Variants in RPS6KA2 observed in about 807,000 individuals in gnomAD.
RPS6KA2 encodes the protein ribosomal protein S6 kinase A2.
A neutral mutation model predicts 91.8 loss-of-function variants in RPS6KA2; 42 were observed. The observed-to-expected ratio is 0.46, with a 90% CI of 0.36 to 0.59. RPS6KA2 has a LOEUF of 0.59. RPS6KA2 is among the 20% of genes least tolerant of loss of function. The probability of loss-of-function intolerance (pLI) is 0.00; values close to 1 mark genes in which losing one functional copy is unlikely to be tolerated. For missense variants in RPS6KA2, 798 were observed against 978.5 expected (o/e 0.82, Z 2.46); for synonymous variants, 414 against 393.6 (o/e 1.05, Z -0.61).
At chr6:166,693,044 A>G (rs916819770) in intron 2 of RPS6KA2, among the ~76,000 whole-genome samples, 2 of 152,206 alleles carry the variant, frequency 1.3e-5, no homozygotes, top group African/African-American at 2.4e-5. Context: ...GGATATGACA[A>G]TGTCACTTTT....
chr6:166,568,007 T>G (rs1015280589), intron 1 of RPS6KA2, among the ~76,000 whole-genome samples: 1 of 152,132 alleles, frequency 6.6e-6, no homozygotes, highest in African/African-American at 2.4e-5. Flanking sequence ...CTGGGAAACA[T>G]CCTGTCTCAG....
intron 1 of RPS6KA2, among the ~76,000 whole-genome samples, chr6:166,573,234 G>T (rs1393160031): frequency 2.0e-5 from 3 of 152,214 alleles, no homozygotes; most frequent in Admixed American, 6.5e-5. Context: ...CACGAGAAGG[G>T]CACTCCATCA....
At chr6:166,604,429 C>G (rs1785865674) in intron 1 of RPS6KA2, among the ~76,000 whole-genome samples, 1 of 151,880 alleles carries the variant, frequency 6.6e-6, no homozygotes, top group South Asian at 2.1e-4. Flanking sequence ...AAGACATAAA[C>G]TCCATGTTTT....
chr6:166,460,958 A>G (rs1780261687), intron 11 of RPS6KA2: 1 of 152,154 alleles, frequency 6.6e-6, no homozygotes, highest in Admixed American at 6.5e-5. Context: ...GGCGTCTGAC[A>G]TCTGGGTCCC....
intron 1 of RPS6KA2, among the ~76,000 whole-genome samples, chr6:166,545,372 T>C (rs1388110543): frequency 1.3e-5 from 2 of 152,170 alleles, no homozygotes; most frequent in Non-Finnish European, 2.9e-5. Flanking sequence ...GCATGCACAG[T>C]GACAATCTAG....
intron 1 of RPS6KA2, among the ~76,000 whole-genome samples, chr6:166,578,722 C>G (rs965160627): frequency 3.9e-5 from 6 of 152,200 alleles, no homozygotes; most frequent in Non-Finnish European, 8.8e-5. Flanking sequence ...TCACAGGAGT[C>G]ACCGTGCCAG....
At chr6:166,598,198 A>C (rs1459567543) in intron 1 of RPS6KA2, among the ~76,000 whole-genome samples, 1 of 152,180 alleles carries the variant, frequency 6.6e-6, no homozygotes, top group Non-Finnish European at 1.5e-5. Flanking sequence ...TGTGGGGCCA[A>C]ATTGGAGCAC....
chr6:166,651,286 G>T (rs1787847122), intron 2 of RPS6KA2, among the ~76,000 whole-genome samples: 1 of 152,218 alleles, frequency 6.6e-6, no homozygotes, highest in Non-Finnish European at 1.5e-5. Flanking sequence ...AGCAAGTACA[G>T]AAAAGTGTTG....
At chr6:166,750,644 TC>T (rs1205518858) in intron 2 of RPS6KA2, among the ~76,000 whole-genome samples, 2 of 152,148 alleles carry the variant, frequency 1.3e-5, no homozygotes, top group African/African-American at 4.8e-5. Flanking sequence ...GAGCCCGAGC[TC>T]CTTGAGCATC....
chr6:166,478,701 T>A (rs7771460), intron 10 of RPS6KA2, among the ~76,000 whole-genome samples: 5 of 152,032 alleles, frequency 3.3e-5, no homozygotes, highest in Admixed American at 3.3e-4. Context: ...GAAAGAAAAG[T>A]GTCAGATGAG....
At position 166,582,575 on chromosome 6, in the gene RPS6KA2, G is replaced by A. The variant is rs149312995; in HGVS notation, c.100-43791C>T. On this transcript the variant is annotated intron_variant, in intron 1 of 20. Coordinates refer to ENST00000265678, the MANE Select transcript of RPS6KA2 (RefSeq NM_021135.6). ...TCATAAATCACAAGTTTTATAGTAT[G>A]CAATGAATTTTTATCAAATTCATAA... Among the ~76,000 whole-genome samples, 1,244 of 152,240 alleles carry A rather than the reference G, an allele frequency of 8.2e-3. 6 individuals are homozygous for A. Among genetic ancestry groups the A allele is most frequent in the South Asian group, 0.024 (114 of 4,820 alleles).
chr6:166,476,789 G>T, intron 10 of RPS6KA2, among the ~76,000 whole-genome samples: 1 of 152,118 alleles, frequency 6.6e-6, no homozygotes, highest in East Asian at 1.9e-4. Context: ...CCTCAATTGG[G>T]CCCTGAGGTC....
At chr6:166,673,141 T>C (rs1788521334) in intron 2 of RPS6KA2, among the ~76,000 whole-genome samples, 1 of 152,214 alleles carries the variant, frequency 6.6e-6, no homozygotes, top group Admixed American at 6.5e-5. Flanking sequence ...CCTGTCCCTC[T>C]GGCCTGTGTC....
chr6:166,428,779 G>C (rs1779016679), intron 16 of RPS6KA2, among the ~76,000 whole-genome samples: 1 of 152,170 alleles, frequency 6.6e-6, no homozygotes, highest in African/African-American at 2.4e-5. Flanking sequence ...TAAAAAGTTA[G>C]GAAACAACAG....
chr6:166,617,630 G>A (rs1240106833), intron 1 of RPS6KA2, among the ~76,000 whole-genome samples: 1 of 152,150 alleles, frequency 6.6e-6, no homozygotes, highest in African/African-American at 2.4e-5. Flanking sequence ...CTTTTTGTCT[G>A]CATTTTAACC....
intron 11 of RPS6KA2, among the ~76,000 whole-genome samples, chr6:166,469,638 G>A (rs949847949): frequency 2.0e-5 from 3 of 152,112 alleles, no homozygotes; most frequent in Non-Finnish European, 2.9e-5. Context: ...TGGAGGGAGG[G>A]GCACTCACGT....
intron 8 of RPS6KA2, among the ~76,000 whole-genome samples, chr6:166,492,237 G>T (rs1781613655): frequency 6.6e-6 from 1 of 152,144 alleles, no homozygotes; most frequent in African/African-American, 2.4e-5. Context: ...TCCATCCGGT[G>T]CACAGAGTAA....
intron 2 of RPS6KA2, among the ~76,000 whole-genome samples, chr6:166,682,113 A>G (rs1264211359): frequency 6.6e-6 from 1 of 152,140 alleles, no homozygotes; most frequent in Non-Finnish European, 1.5e-5. Flanking sequence ...CAGGCAATTT[A>G]CCCAAGGAAT....
intron 2 of RPS6KA2, among the ~76,000 whole-genome samples, chr6:166,853,122 C>G (rs1780789729): frequency 6.6e-6 from 1 of 151,968 alleles, no homozygotes; most frequent in Non-Finnish European, 1.5e-5. Context: ...TAAACATAAC[C>G]CTGAAATCTA....
Sources: allele counts gnomAD v4.1 joint callset (sites outside exome capture counted in the v4.1 genomes callset), GRCh38; gene constraint gnomAD v4.1.1; transcripts MANE v1.5; gene names NCBI Gene and HGNC (gene_info 2026-07-23, HGNC 2026-07-21).